The following EDIL3 variants were observed in gnomAD, a reference collection of about 807,000 sequenced individuals.
The protein encoded by EDIL3 is EGF-like repeat and discoidin I-like domain-containing protein 3.
A neutral mutation model predicts 67.4 loss-of-function variants in EDIL3; 37 were observed. That is an observed-to-expected ratio of 0.55 (90% CI 0.42 to 0.72). EDIL3 has a LOEUF of 0.72. EDIL3 is among the 30% of genes least tolerant of loss of function. EDIL3 has a pLI of 0.00. For synonymous variants in EDIL3, 195 were observed against 196.3 expected (o/e 0.99, Z 0.05); for missense variants, 527 against 586.3 (o/e 0.90, Z 1.04).
intron 1 of EDIL3, among the ~76,000 whole-genome samples, chr5:84,357,536 C>A (rs1302309028): frequency 6.6e-6 from 1 of 152,040 alleles, no homozygotes; most frequent in African/African-American, 2.4e-5. Flanking sequence ...TAACCCTGCA[C>A]CCCCTTTCCA....
intron 1 of EDIL3, among the ~76,000 whole-genome samples, chr5:84,373,652 G>T (rs1279686788): frequency 6.6e-6 from 1 of 152,112 alleles, no homozygotes; most frequent in Non-Finnish European, 1.5e-5. Context: ...AATCAACAGA[G>T]AAATTTGTAA....
chr5:83,981,200 C>T lies in EDIL3; in HGVS notation c.1138-17840G>A, dbSNP rs143308718. 6.4e-3 allele frequency among the ~76,000 whole-genome samples: 974 copies of T among 152,106 alleles called. 29 individuals carry two copies. Among genetic ancestry groups the T allele is most frequent in the Admixed American group, 0.053 (805 of 15,242 alleles). ...TAGCCAAAACAATCTCAAGAAAACT[C>T]CACAAAGTTTGAGGATTCCTACTTT... On this transcript the variant is annotated intron_variant, in intron 9 of 10. Transcript: ENST00000296591.
chr5:84,087,773 A>G (rs536765509), intron 6 of EDIL3, among the ~76,000 whole-genome samples: 1 of 152,332 alleles, frequency 6.6e-6, no homozygotes, highest in African/African-American at 2.4e-5. Flanking sequence ...GAAAATATAT[A>G]TTAGAATGGA....
At chr5:84,244,193 T>A (rs1480317260) in intron 2 of EDIL3, among the ~76,000 whole-genome samples, 1 of 152,232 alleles carries the variant, frequency 6.6e-6, no homozygotes, top group Non-Finnish European at 1.5e-5. Flanking sequence ...ACATAGGAGA[T>A]ACCAATAAGA....
chr5:83,947,369 CTGTG>C lies in EDIL3; in HGVS notation c.1294-3805_1294-3802del, dbSNP rs34059015. ...AGCATGTATGTGTCTGTGTCTGTGT[CTGTG>C]TGTGTGTGTGTGTGTGTGTGTGTGT... On this transcript the variant is annotated intron_variant, in intron 10 of 10. Transcript: ENST00000296591. 4.1e-3 allele frequency among the ~76,000 whole-genome samples: 533 copies of C among 129,318 alleles called. 1 individual carries two copies. Among genetic ancestry groups the C allele is most frequent in the South Asian group, 7.7e-3 (31 of 4,048 alleles). The allele number at this position is 129,318 out of a possible 152,430, so 84.8% of individuals were successfully genotyped here. A position where few individuals can be genotyped will look rare whatever the true frequency, so the allele number is the denominator to read the frequency against.
intron 1 of EDIL3, among the ~76,000 whole-genome samples, chr5:84,310,566 T>C (rs912215536): frequency 1.3e-5 from 2 of 152,220 alleles, no homozygotes; most frequent in Admixed American, 6.5e-5. Context: ...CTAAGCACTA[T>C]GAGTGACATG....
chr5:84,014,448 C>A (rs942580867), intron 9 of EDIL3, among the ~76,000 whole-genome samples: 6 of 152,138 alleles, frequency 3.9e-5, no homozygotes, highest in Admixed American at 3.9e-4. Flanking sequence ...AGTTTGAGAC[C>A]AGCCAGGCCA....
At chr5:84,214,924 G>A (rs1013444529) in intron 3 of EDIL3, among the ~76,000 whole-genome samples, 1 of 151,870 alleles carries the variant, frequency 6.6e-6, no homozygotes, top group Non-Finnish European at 1.5e-5. Flanking sequence ...TCACTGTGCT[G>A]CCCAGGGTGG....
At chr5:84,310,300 T>C (rs1262948640) in intron 1 of EDIL3, among the ~76,000 whole-genome samples, 1 of 152,176 alleles carries the variant, frequency 6.6e-6, no homozygotes, top group African/African-American at 2.4e-5. Context: ...ATGAAGGTAA[T>C]TTATCCAAAG....
At chr5:84,359,593 T>C (rs1747556100) in intron 1 of EDIL3, among the ~76,000 whole-genome samples, 1 of 152,166 alleles carries the variant, frequency 6.6e-6, no homozygotes, top group South Asian at 2.1e-4. Context: ...ACTGAAAAGA[T>C]TGACTTTTAG....
chr5:84,257,390 GTTC>G (rs1474221992), intron 1 of EDIL3, among the ~76,000 whole-genome samples: 1 of 151,992 alleles, frequency 6.6e-6, no homozygotes, highest in Non-Finnish European at 1.5e-5. Flanking sequence ...TGTAATTTTT[GTTC>G]TTCTTTTTTG....
intron 1 of EDIL3, among the ~76,000 whole-genome samples, chr5:84,287,685 C>T (rs1032587650): frequency 1.3e-5 from 2 of 152,096 alleles, no homozygotes; most frequent in African/African-American, 4.8e-5. Flanking sequence ...CTGCTAAATA[C>T]AAATGTCAAA....
At chr5:84,015,084 T>C (rs1204623548) in intron 9 of EDIL3, among the ~76,000 whole-genome samples, 1 of 152,130 alleles carries the variant, frequency 6.6e-6, no homozygotes, top group Non-Finnish European at 1.5e-5. Context: ...CCAGGACACT[T>C]AGATGGGTTG....
chr5:84,271,097 A>G (rs1211743775), intron 1 of EDIL3, among the ~76,000 whole-genome samples: 1 of 152,222 alleles, frequency 6.6e-6, no homozygotes, highest in Non-Finnish European at 1.5e-5. Context: ...ACTTTCTAAA[A>G]GAAGAGAAAT....
intron 1 of EDIL3, among the ~76,000 whole-genome samples, chr5:84,329,502 T>C (rs992793475): frequency 6.6e-6 from 1 of 152,142 alleles, no homozygotes; most frequent in African/African-American, 2.4e-5. Flanking sequence ...CTCATTTGAC[T>C]ACATCATATG....
chr5:84,328,919 A>C (rs186867685), intron 1 of EDIL3, among the ~76,000 whole-genome samples: 159 of 152,208 alleles, frequency 1.0e-3, no homozygotes, highest in African/African-American at 3.6e-3. Flanking sequence ...CCCTTCAGAG[A>C]AAGTTCATCT....
At chr5:84,237,881 T>C (rs147046784) in intron 2 of EDIL3, among the ~76,000 whole-genome samples, 5 of 152,244 alleles carry the variant, frequency 3.3e-5, no homozygotes, top group African/African-American at 7.2e-5. Context: ...AACAGAGATA[T>C]AGTAAAACTT....
At chr5:84,337,477 C>A (rs1340686349) in intron 1 of EDIL3, among the ~76,000 whole-genome samples, 4 of 152,024 alleles carry the variant, frequency 2.6e-5, no homozygotes, top group Non-Finnish European at 5.9e-5. Context: ...AAATTGTAGT[C>A]ATCCTAGTAT....
At chr5:84,323,835 T>A (rs1746697157) in intron 1 of EDIL3, among the ~76,000 whole-genome samples, 1 of 151,810 alleles carries the variant, frequency 6.6e-6, no homozygotes, top group African/African-American at 2.4e-5. Context: ...ACATTAGATA[T>A]CAATAAGTTT....
Sources: gnomAD v4.1 joint callset for allele counts (sites outside exome capture counted in the v4.1 genomes callset) on GRCh38, gnomAD v4.1.1 for gene constraint, MANE v1.5 for transcripts, NCBI Gene and HGNC (gene_info 2026-07-23, HGNC 2026-07-21) for gene names.